The following LSAMP variants were observed in gnomAD, a reference collection of about 807,000 sequenced individuals.
LSAMP encodes the protein limbic system associated membrane protein, also known as limbic system-associated membrane protein.
LSAMP carries 7 observed loss-of-function variants against 38.6 expected under a neutral mutation model. The observed-to-expected ratio is 0.18, with a 90% CI of 0.10 to 0.34. The LOEUF (loss-of-function observed/expected upper bound fraction) is 0.34, where lower values mean the gene tolerates loss of function less well. Among genes scored for constraint, LSAMP ranks in the 10% least tolerant of loss-of-function variants. LSAMP has a pLI of 1.00. For synonymous variants in LSAMP, 154 were observed against 166.8 expected (o/e 0.92, Z 0.59); for missense variants, 313 against 420.0 (o/e 0.75, Z 2.23).
intron 2 of LSAMP, among the ~76,000 whole-genome samples, chr3:116,048,000 T>C (rs1195760188): frequency 6.6e-6 from 1 of 152,234 alleles, no homozygotes; most frequent in East Asian, 1.9e-4. Flanking sequence ...TTGGCATCCA[T>C]GCACCTTTAC....
chr3:115,921,603 G>A (rs1364002033), intron 3 of LSAMP, among the ~76,000 whole-genome samples: 3 of 151,962 alleles, frequency 2.0e-5, no homozygotes, highest in Admixed American at 6.6e-5. Flanking sequence ...CAGTATTACA[G>A]TATTCTGTAT....
intron 3 of LSAMP, among the ~76,000 whole-genome samples, chr3:115,925,347 T>C (rs4640557): frequency 0.42 from 63,973 of 151,966 alleles, 13,783 homozygotes; most frequent in East Asian, 0.54. Context: ...TCAAAGGTAT[T>C]CAAGAATTAT....
At chr3:116,267,503 G>A (rs2107665622) in intron 1 of LSAMP, among the ~76,000 whole-genome samples, 1 of 151,752 alleles carries the variant, frequency 6.6e-6, no homozygotes, top group South Asian at 2.1e-4. Flanking sequence ...GAACTGACAG[G>A]AGGAAAGCAG....
intron 1 of LSAMP, among the ~76,000 whole-genome samples, chr3:116,251,914 A>C (rs896130882): frequency 9.9e-5 from 15 of 152,212 alleles, no homozygotes; most frequent in African/African-American, 3.4e-4. Context: ...TCTGCTTCTC[A>C]TACATTTGAC....
chr3:116,080,694 T>G (rs1707853233), intron 2 of LSAMP, among the ~76,000 whole-genome samples: 1 of 152,212 alleles, frequency 6.6e-6, no homozygotes, highest in African/African-American at 2.4e-5. Flanking sequence ...TAACAGCCAA[T>G]CAAGAGGCTA....
chr3:116,237,756 C>T (rs6796602), intron 1 of LSAMP, among the ~76,000 whole-genome samples: 3,269 of 152,242 alleles, frequency 0.021, 125 homozygotes, highest in African/African-American at 0.074. Context: ...CTCAAACACA[C>T]GCCATTCAAC....
chr3:115,946,047 C>T (rs929895966), intron 3 of LSAMP, among the ~76,000 whole-genome samples: 8 of 152,144 alleles, frequency 5.3e-5, no homozygotes, highest in African/African-American at 1.9e-4. Context: ...AACAAAGCAT[C>T]ACAGTCAATA....
intron 6 of LSAMP, among the ~76,000 whole-genome samples, chr3:115,827,150 C>T (rs1230399764): frequency 6.6e-6 from 1 of 152,088 alleles, no homozygotes; most frequent in Non-Finnish European, 1.5e-5. Flanking sequence ...GCTATTTCTG[C>T]TCTCCAAATA....
At chr3:116,107,746 A>G (rs534126189) in intron 1 of LSAMP, among the ~76,000 whole-genome samples, 1 of 152,300 alleles carries the variant, frequency 6.6e-6, no homozygotes, top group Non-Finnish European at 1.5e-5. Flanking sequence ...GTCCAAGTGA[A>G]AGCGAAGAGA....
chr3:115,927,531 C>T (rs1937517343), intron 3 of LSAMP, among the ~76,000 whole-genome samples: 1 of 152,182 alleles, frequency 6.6e-6, no homozygotes, highest in Non-Finnish European at 1.5e-5. Flanking sequence ...CAACCCCACC[C>T]CACATAACCA....
In LSAMP at chr3:116,247,965, T is replaced by C. The variant is rs146044264; in HGVS notation, c.156-161409A>G. 1.1e-3 allele frequency among the ~76,000 whole-genome samples: 162 copies of C among 152,260 alleles called. 1 individual carries two copies. Among genetic ancestry groups the C allele is most frequent in the African/African-American group, 3.6e-3 (151 of 41,544 alleles). ...AGGTTTAAGTCCACACAGTACAGCA[T>C]TGAAATCATGGGAGAAAAACAAAGA... On this transcript the variant is annotated intron_variant, in intron 1 of 6. Transcript: ENST00000490035.
intron 1 of LSAMP, among the ~76,000 whole-genome samples, chr3:116,196,804 G>A (rs1710892753): frequency 6.6e-6 from 1 of 151,988 alleles, no homozygotes; most frequent in Admixed American, 6.6e-5. Context: ...ACTTTCTGGG[G>A]CCCTTTCCTT....
chr3:116,436,021 G>A (rs2049345367), intron 1 of LSAMP, among the ~76,000 whole-genome samples: 1 of 152,166 alleles, frequency 6.6e-6, no homozygotes, highest in Non-Finnish European at 1.5e-5. Flanking sequence ...GGGGTTGTGA[G>A]GAACAAGTGA....
At chr3:116,274,692 T>C (rs2047023248) in intron 1 of LSAMP, among the ~76,000 whole-genome samples, 1 of 152,102 alleles carries the variant, frequency 6.6e-6, no homozygotes, top group African/African-American at 2.4e-5. Flanking sequence ...ATAAGGTGTT[T>C]TACTTCCTTG....
At chr3:116,234,202 C>T (rs913110329) in intron 1 of LSAMP, among the ~76,000 whole-genome samples, 7 of 152,170 alleles carry the variant, frequency 4.6e-5, no homozygotes, top group African/African-American at 1.7e-4. Flanking sequence ...CTTTTCTTAG[C>T]TGTTTACAGG....
At chr3:116,423,453 G>A (rs1003832801) in intron 1 of LSAMP, among the ~76,000 whole-genome samples, 14 of 152,290 alleles carry the variant, frequency 9.2e-5, no homozygotes, top group Admixed American at 9.2e-4. Context: ...GAACACTGAG[G>A]AAAGCAATGT....
chr3:116,339,125 A>G (rs892586154), intron 1 of LSAMP, among the ~76,000 whole-genome samples: 2 of 151,992 alleles, frequency 1.3e-5, no homozygotes, highest in Admixed American at 1.3e-4. Flanking sequence ...AGGGTGCATT[A>G]AAAGCAGAGG....
intron 2 of LSAMP, among the ~76,000 whole-genome samples, chr3:116,067,794 T>A (rs1244923004): frequency 6.6e-6 from 1 of 152,210 alleles, no homozygotes; most frequent in Non-Finnish European, 1.5e-5. Flanking sequence ...TTTTTAAAAG[T>A]CTGCATCCCC....
chr3:116,283,900 G>A (rs544334714), intron 1 of LSAMP, among the ~76,000 whole-genome samples: 2 of 152,218 alleles, frequency 1.3e-5, no homozygotes, highest in South Asian at 4.2e-4. Context: ...CAGCTACTTG[G>A]GAGGCTGAGG....
Sources: allele counts gnomAD v4.1 joint callset (sites outside exome capture counted in the v4.1 genomes callset), GRCh38; gene constraint gnomAD v4.1.1; transcripts MANE v1.5; gene names NCBI Gene and HGNC (gene_info 2026-07-23, HGNC 2026-07-21).